Variants in PBRM1 observed in about 807,000 individuals in gnomAD.
The protein encoded by PBRM1 is protein polybromo-1.
A neutral mutation model predicts 194.5 loss-of-function variants in PBRM1; 27 were observed. The ratio of observed to expected loss-of-function variants is 0.14; its 90% CI spans 0.10 to 0.19. The LOEUF (loss-of-function observed/expected upper bound fraction) is 0.19, where lower values mean the gene tolerates loss of function less well. PBRM1 is among the 10% of genes least tolerant of loss of function. The pLI is 1.00. For synonymous variants in PBRM1, 655 were observed against 693.2 expected (o/e 0.94, Z 0.87); for missense variants, 1,466 against 2,077.2 (o/e 0.71, Z 5.72).
At chr3:52,640,202 TGGTTATTATTCGCC>T (rs2096016177) in intron 10 of PBRM1, among the ~76,000 whole-genome samples, 2 of 151,972 alleles carry the variant, frequency 1.3e-5, no homozygotes, top group South Asian at 4.2e-4. Context: ...ATTATTCGCC[TGGTTATTATTCGCC>T]TGGTGTATCT....
chr3:52,642,481 T>C (rs1427026049), intron 9 of PBRM1, among the ~76,000 whole-genome samples: 1 of 151,516 alleles, frequency 6.6e-6, no homozygotes, highest in African/African-American at 2.4e-5. Flanking sequence ...CCGGGTGTGG[T>C]AGTAGGCACC....
intron 22 of PBRM1, among the ~76,000 whole-genome samples, chr3:52,568,199 C>T (rs932752263): frequency 6.6e-6 from 1 of 151,990 alleles, no homozygotes; most frequent in African/African-American, 2.4e-5. Flanking sequence ...GGCTAGTCTT[C>T]GACTCCTGAC....
At chr3:52,599,112 C>T (rs1438672438) in intron 17 of PBRM1, among the ~76,000 whole-genome samples, 1 of 151,742 alleles carries the variant, frequency 6.6e-6, no homozygotes, top group East Asian at 1.9e-4. Context: ...CTCGCTTGAG[C>T]TCAGGAGGTT....
chr3:52,558,324 C>G (rs1319985402), exon 26 of PBRM1: 4 of 1,549,666 alleles, frequency 2.6e-6, no homozygotes, highest in African/African-American at 2.7e-5. Context: ...AGAGCCCCCA[C>G]AGGGGTGCCT....
intron 26 of PBRM1, among the ~76,000 whole-genome samples, chr3:52,557,406 G>T (rs183342366): frequency 1.2e-4 from 19 of 152,316 alleles, no homozygotes; most frequent in East Asian, 3.9e-4. Flanking sequence ...TGTGAAAGAG[G>T]TCAGACTGCT....
intron 14 of PBRM1, 104 bp downstream of exon 16, chr3:52,617,155 GAAT>G: frequency 1.2e-6 from 1 of 824,354 alleles, no homozygotes; most frequent in Non-Finnish European, 1.8e-6. Context: ...TCACCAAAAA[GAAT>G]AATCTAAGTT....
chr3:52,595,864 T>C (rs191692785), intron 17 of PBRM1, among the ~76,000 whole-genome samples: 10 of 152,312 alleles, frequency 6.6e-5, no homozygotes, highest in East Asian at 5.8e-4. Flanking sequence ...TATACTGATA[T>C]CCAGTTTTCC....
chr3:52,679,811 G>A, upstream of PBRM1: 1 of 1,005,908 alleles, frequency 9.9e-7, no homozygotes, highest in African/African-American at 1.6e-5. Context: ...CCAAACTCCT[G>A]GCTCACTTAG....
At chr3:52,607,408 C>T (rs972123001) in intron 16 of PBRM1, among the ~76,000 whole-genome samples, 1 of 151,998 alleles carries the variant, frequency 6.6e-6, no homozygotes, top group Non-Finnish European at 1.5e-5. Flanking sequence ...TCTTCCAGGC[C>T]TCAAAAGCAA....
At chr3:52,598,407 G>A (rs532516671) in intron 17 of PBRM1, among the ~76,000 whole-genome samples, 1 of 152,220 alleles carries the variant, frequency 6.6e-6, no homozygotes, top group South Asian at 2.1e-4. Context: ...CTATGAATTT[G>A]CCAATTCTAT....
chr3:52,654,687 A>G (rs181447353), intron 5 of PBRM1, among the ~76,000 whole-genome samples: 2 of 152,164 alleles, frequency 1.3e-5, no homozygotes, highest in African/African-American at 4.8e-5. Context: ...TGTTGATTTG[A>G]CCATCACTGA....
chr3:52,578,903 G>A, intron 21 of PBRM1, 151 bp downstream of exon 23: 1 of 750,918 alleles, frequency 1.3e-6, no homozygotes. Context: ...ATTTAAGGAA[G>A]AAAGTGTGGT....
intron 20 of PBRM1, chr3:52,585,866 CCATT>C (rs944750138): frequency 1.3e-5 from 2 of 152,106 alleles, no homozygotes; most frequent in South Asian, 2.1e-4. Flanking sequence ...CTTTCTTTTC[CCATT>C]ATTAGATAGT....
chr3:52,639,874 T>C (rs2096003956), intron 10 of PBRM1, among the ~76,000 whole-genome samples: 1 of 152,128 alleles, frequency 6.6e-6, no homozygotes, highest in Non-Finnish European at 1.5e-5. Context: ...CCAGCCTGCA[T>C]TGTTTTAAGC....
chr3:52,612,277 A>AAAAAAAAAAAAAAAAAAAAAT (rs1170735998), intron 15 of PBRM1, among the ~76,000 whole-genome samples: 1 of 149,762 alleles, frequency 6.7e-6, no homozygotes, highest in African/African-American at 2.4e-5. Flanking sequence ...AAAAAAAAAA[A>AAAAAAAAAAAAAAAAAAAAAT]AAAAAGAGGT....
At chr3:52,665,428 C>A (rs571414716) in intron 3 of PBRM1, among the ~76,000 whole-genome samples, 1 of 151,910 alleles carries the variant, frequency 6.6e-6, no homozygotes, top group African/African-American at 2.4e-5. Flanking sequence ...CCTCCCAAAG[C>A]GCTGGGATTA....
chr3:52,647,598 G>A (rs896346651), intron 7 of PBRM1, among the ~76,000 whole-genome samples: 3 of 150,520 alleles, frequency 2.0e-5, no homozygotes, highest in Non-Finnish European at 4.4e-5. Flanking sequence ...CTGATGAATG[G>A]GTAAATAAAA....
At chr3:52,645,371 C>A (rs769741340) in intron 7 of PBRM1, among the ~76,000 whole-genome samples, 1 of 150,912 alleles carries the variant, frequency 6.6e-6, no homozygotes, top group Non-Finnish European at 1.5e-5. Flanking sequence ...CCATGTAGAC[C>A]GGGCTGGTCT....
At chr3:52,562,780 A>T (rs570673112) in intron 24 of PBRM1, among the ~76,000 whole-genome samples, 1 of 152,096 alleles carries the variant, frequency 6.6e-6, no homozygotes. Context: ...AGCTCAAGTG[A>T]TCCTCCTGCC....
Sources: gnomAD v4.1 joint callset for allele counts (sites outside exome capture counted in the v4.1 genomes callset) on GRCh38, gnomAD v4.1.1 for gene constraint, MANE v1.5 for transcripts, NCBI Gene and HGNC (gene_info 2026-07-23, HGNC 2026-07-21) for gene names.